Variants in CLINT1 observed in about 807,000 individuals in gnomAD.
CLINT1 encodes the protein clathrin interacting protein localized in the trans-Golgi region.
Under a neutral mutation model 70.4 loss-of-function variants are expected in CLINT1, and 15 were observed. The observed-to-expected ratio is 0.21, with a 90% confidence interval of 0.14 to 0.33. The LOEUF (loss-of-function observed/expected upper bound fraction) is 0.33, where lower values mean the gene tolerates loss of function less well. Among genes scored for constraint, CLINT1 ranks in the 10% least tolerant of loss-of-function variants. The probability of loss-of-function intolerance (pLI) is 1.00; values close to 1 mark genes in which losing one functional copy is unlikely to be tolerated. For missense variants in CLINT1, 615 were observed against 778.1 expected (o/e 0.79, Z 2.49); for synonymous variants, 227 against 254.7 (o/e 0.89, Z 1.04).
At chr5:157,851,811 G>A (rs1035524441) in intron 1 of CLINT1, among the ~76,000 whole-genome samples, 1 of 151,872 alleles carries the variant, frequency 6.6e-6, no homozygotes, top group Non-Finnish European at 1.5e-5. Flanking sequence ...TTAATAATTC[G>A]TTAGCTAAAT....
At chr5:157,790,046 C>T (rs1761853127) in intron 10 of CLINT1, 1 of 165,450 alleles carries the variant, frequency 6.0e-6, no homozygotes, top group Non-Finnish European at 1.3e-5. Context: ...ACTAAAAATA[C>T]AAAATCAGCC....
At chr5:157,833,361 AAAG>A (rs991654685) in intron 1 of CLINT1, among the ~76,000 whole-genome samples, 3 of 151,980 alleles carry the variant, frequency 2.0e-5, no homozygotes, top group African/African-American at 2.4e-5. Context: ...AAAAAAAAAA[AAAG>A]GAGGAAGTTC....
At chr5:157,793,920 C>G (rs750251345) in intron 9 of CLINT1, among the ~76,000 whole-genome samples, 9 of 152,000 alleles carry the variant, frequency 5.9e-5, no homozygotes. Context: ...TGATGAGTAA[C>G]AACACTAACT....
At chr5:157,814,099 G>A (rs1419252855) in intron 4 of CLINT1, 86 bp downstream of exon 4, 13 of 821,276 alleles carry the variant, frequency 1.6e-5, no homozygotes, top group Non-Finnish European at 2.0e-5. Flanking sequence ...ATTCTAATTA[G>A]AGCAGAGAAG....
At chr5:157,803,101 G>T (rs1036487911) in intron 8 of CLINT1, among the ~76,000 whole-genome samples, 12 of 152,318 alleles carry the variant, frequency 7.9e-5, no homozygotes, top group African/African-American at 2.6e-4. Context: ...GGTGACAGCT[G>T]CAATTAAAAT....
chr5:157,814,311 A>G lies in CLINT1; in HGVS notation c.244-18T>C. ...AGCAACGACTGCAAAAATACAAAGC[A>G]ATAAATGATTTAATGAAATATATTC... On this transcript the variant is annotated intron_variant, in intron 3 of 11. Coordinates refer to ENST00000411809, the MANE Select transcript of CLINT1 (RefSeq NM_014666.4). 2 of 1,511,700 alleles carry G rather than the reference A, an allele frequency of 1.3e-6. No individual in the cohort carries two copies. The highest frequency in any genetic ancestry group is 1.8e-6 in the Non-Finnish European group (2 of 1,095,834). 93.6% of individuals were successfully genotyped at this position (1,511,700 alleles called of 1,614,324 possible).
intron 1 of CLINT1, among the ~76,000 whole-genome samples, chr5:157,852,510 CTTTGA>C (rs1226531835): frequency 6.6e-6 from 1 of 152,126 alleles, no homozygotes; most frequent in African/African-American, 2.4e-5. Context: ...CACTGTATTC[CTTTGA>C]TTTTTCTAGT....
intron 1 of CLINT1, among the ~76,000 whole-genome samples, chr5:157,850,118 G>A (rs570664986): frequency 8.5e-5 from 13 of 152,290 alleles, no homozygotes; most frequent in African/African-American, 3.1e-4. Flanking sequence ...GCAACAAAGA[G>A]CCAGATCTGT....
chr5:157,812,879 C>A (rs1020826397), intron 5 of CLINT1, among the ~76,000 whole-genome samples, 184 bp downstream of exon 5: 4 of 152,154 alleles, frequency 2.6e-5, no homozygotes, highest in African/African-American at 9.7e-5. Context: ...GCCGAACCCA[C>A]AAGTTAAAAA....
chr5:157,819,483 C>T (rs1467468994), intron 1 of CLINT1, among the ~76,000 whole-genome samples: 1 of 152,032 alleles, frequency 6.6e-6, no homozygotes, highest in Non-Finnish European at 1.5e-5. Context: ...GCTTCTATTG[C>T]AACAGTTTTA....
intron 1 of CLINT1, among the ~76,000 whole-genome samples, chr5:157,820,571 T>G (rs546839804): frequency 2.0e-5 from 3 of 152,314 alleles, no homozygotes; most frequent in East Asian, 3.9e-4. Flanking sequence ...AAAACAACAC[T>G]GTATGGTTTG....
Position 157,858,912 on chromosome 5 carries a change from C to T in CLINT1, c.41+18G>A. 1 of 1,513,188 alleles carries T rather than the reference C, an allele frequency of 6.6e-7. No individual in the cohort carries two copies. Among genetic ancestry groups the T allele is most frequent in the African/African-American group, 1.4e-5 (1 of 70,592 alleles). The allele number at this position is 1,513,188 out of a possible 1,614,324, so 93.7% of individuals were successfully genotyped here. On this transcript the variant is annotated intron_variant, in intron 1 of 11. Transcript: ENST00000411809. ...TCCCCCACGTGGGCCTCGGCCACAA[C>T]TGCCCCCCGATACTCACGCTTTGTC... is the stretch of plus-strand genomic sequence containing the variant.
chr5:157,790,981 T>G (rs537567128), intron 10 of CLINT1, among the ~76,000 whole-genome samples: 3 of 152,318 alleles, frequency 2.0e-5, no homozygotes, highest in Non-Finnish European at 2.9e-5. Context: ...AACCAATGAG[T>G]GATATTTCTT....
intron 1 of CLINT1, among the ~76,000 whole-genome samples, chr5:157,838,991 T>C (rs1763526038): frequency 6.6e-6 from 1 of 152,166 alleles, no homozygotes; most frequent in African/African-American, 2.4e-5. Context: ...TCCCAGCACT[T>C]TGGGAGGTGG....
rs1561630525 is a variant in CLINT1, at chr5:157,785,875, A to G, written c.*1771T>C. 1 of 152,216 alleles carries G rather than the reference A, an allele frequency of 6.6e-6. No homozygotes were observed. The highest frequency in any genetic ancestry group is 1.5e-5 in the Non-Finnish European group (1 of 68,040). The allele number at this position is 152,216 out of a possible 1,614,324, so 9.4% of individuals were successfully genotyped here. A position where few individuals can be genotyped will look rare whatever the true frequency, so the allele number is the denominator to read the frequency against. On this transcript the variant is annotated 3_prime_UTR_variant, in exon 12 of 12. Transcript: ENST00000411809. ...AGGGACCATATTCTACTATGCGGCC[A>G]CCAGAGGCTGGCTTGATTGCTCTGA...
At chr5:157,804,238 A>C (rs1357198689) in intron 7 of CLINT1, among the ~76,000 whole-genome samples, 2 of 152,160 alleles carry the variant, frequency 1.3e-5, no homozygotes, top group African/African-American at 4.8e-5. Context: ...TATGAACCTT[A>C]GCAAAACTTA....
At chr5:157,800,116 T>C (rs1354237111) in intron 8 of CLINT1, among the ~76,000 whole-genome samples, 1 of 152,184 alleles carries the variant, frequency 6.6e-6, no homozygotes, top group African/African-American at 2.4e-5. Context: ...TATTAAGATA[T>C]GAGATAGTCT....
At chr5:157,854,297 T>C (rs1018570358) in intron 1 of CLINT1, among the ~76,000 whole-genome samples, 1 of 152,006 alleles carries the variant, frequency 6.6e-6, no homozygotes, top group African/African-American at 2.4e-5. Flanking sequence ...GAAAATAGAG[T>C]ACTAGACCAG....
chr5:157,802,831 C>A (rs1227132957), intron 8 of CLINT1, among the ~76,000 whole-genome samples: 1 of 152,196 alleles, frequency 6.6e-6, no homozygotes, highest in African/African-American at 2.4e-5. Context: ...CAGGGGTCAG[C>A]CACCACGCCC....
Sources: gnomAD v4.1 joint callset for allele counts (sites outside exome capture counted in the v4.1 genomes callset) on GRCh38, gnomAD v4.1.1 for gene constraint, MANE v1.5 for transcripts, NCBI Gene and HGNC (gene_info 2026-07-23, HGNC 2026-07-21) for gene names.